The following DNAH17 variants were observed in gnomAD, a reference collection of about 807,000 sequenced individuals.
The protein encoded by DNAH17 is dynein axonemal heavy chain 17, also known as axonemal beta dynein heavy chain 17.
DNAH17 carries 376 observed loss-of-function variants against 485.6 expected under a neutral mutation model. That is an observed-to-expected ratio of 0.77 (90% CI 0.71 to 0.84). The LOEUF (loss-of-function observed/expected upper bound fraction) is 0.84. Among genes scored for constraint, DNAH17 ranks in the 40% least tolerant of loss-of-function variants. The probability of loss-of-function intolerance (pLI) is 0.00; values close to 1 mark genes in which losing one functional copy is unlikely to be tolerated. For missense variants in DNAH17, 6,370 were observed against 5,839.3 expected (o/e 1.09, Z -2.96); for synonymous variants, 3,031 against 2,405.9 (o/e 1.26, Z -7.60).
chr17:78,501,472 C>T (rs1365357018), intron 34 of DNAH17, 128 bp from the exon 35 acceptor site: 1 of 1,208,650 alleles, frequency 8.3e-7, no homozygotes, highest in Non-Finnish European at 1.1e-6. Context: ...CTCTTTCCCC[C>T]TCCAGCACCC....
intron 69 of DNAH17, among the ~76,000 whole-genome samples, chr17:78,448,202 GA>G (rs59164677): frequency 9.3e-4 from 129 of 138,794 alleles, no homozygotes; most frequent in Middle Eastern, 3.8e-3. Flanking sequence ...AACCAGAACA[GA>G]AAAAAAAAAA....
chr17:78,547,819 T>C (rs974665511), intron 16 of DNAH17, among the ~76,000 whole-genome samples: 15 of 152,152 alleles, frequency 9.9e-5, no homozygotes, highest in African/African-American at 3.6e-4. Flanking sequence ...GGTTTCGCCA[T>C]GTGGGCCAGG....
rs781563360 is a variant in DNAH17 at position 78,428,738 on chromosome 17, C to G, written c.12406-31G>C. 8.1e-6 allele frequency: 13 copies of G among 1,611,120 alleles called. 1 individual carries two copies. The African/African-American group carries it at 1.6e-4, about 20-fold the overall frequency. ...AAAGAGGGCAGTTTGTAAGCAGAGG[C>G]AAAGCTGTGCAGGCTGAAACCCATG... On this transcript the variant is annotated intron_variant, in intron 76 of 80. Transcript: ENST00000389840.
At chr17:78,525,670 G>A (rs983885435) in intron 24 of DNAH17, among the ~76,000 whole-genome samples, 20 of 152,204 alleles carry the variant, frequency 1.3e-4, no homozygotes, top group African/African-American at 2.9e-4. Context: ...GGCTCGGAGC[G>A]TGTGCACACA....
intron 34 of DNAH17, 40 bp downstream of exon 34, chr17:78,501,702 C>CT (rs1186846700): frequency 6.2e-7 from 1 of 1,603,692 alleles, no homozygotes; most frequent in African/African-American, 1.3e-5. Flanking sequence ...CCGGTGTCCC[C>CT]TTGCCCTTCC....
Position 78,512,548 on chromosome 17 carries a change from A to G in DNAH17, c.4114-2042T>C, listed in dbSNP as rs558494605. ...GAGCTGAAGGCACTTGAGAAGAAGCAGATACAAGAGAAGCTCTCTGTCCTC... is the reference window on the plus strand; with the variant it reads ...GAGCTGAAGGCACTTGAGAAGAAGCGGATACAAGAGAAGCTCTCTGTCCTC... On this transcript the variant is annotated intron_variant, in intron 26 of 80. Coordinates refer to ENST00000389840, the MANE Select transcript of DNAH17 (RefSeq NM_173628.4). Among the ~76,000 whole-genome samples the G allele has an allele frequency of 2.0e-5, 3 of 148,018 alleles. No individual in the cohort carries two copies. The Admixed American group carries it at 2.1e-4, about 10-fold the overall frequency.
At chr17:78,454,082 C>T (rs994290795) in intron 64 of DNAH17, among the ~76,000 whole-genome samples, 9 of 152,162 alleles carry the variant, frequency 5.9e-5, no homozygotes, top group African/African-American at 2.2e-4. Flanking sequence ...GATTTTCCAG[C>T]ACCGCTAGGA....
At chr17:78,555,295 T>C (rs1221487362) in intron 14 of DNAH17, among the ~76,000 whole-genome samples, 1 of 151,874 alleles carries the variant, frequency 6.6e-6, no homozygotes, top group Admixed American at 6.6e-5. Flanking sequence ...CGAGGAACCC[T>C]GCTCTGAGAC....
At position 78,566,633 on chromosome 17, in the gene DNAH17, C is replaced by T. The variant is rs1226235503; in HGVS notation, c.1550G>A (p.Cys517Tyr). 6.2e-7 allele frequency: 1 copy of T among 1,608,112 alleles called. No homozygotes were observed. Among genetic ancestry groups the T allele is most frequent in the Non-Finnish European group, 8.5e-7 (1 of 1,177,126 alleles). Residue 517 changes from cysteine (C) to tyrosine (Y), a missense_variant, in exon 11 of 81, where the codon TGT becomes TAT. Cys to Tyr is a radical substitution (Grantham distance 194). Coordinates refer to ENST00000389840, the MANE Select transcript of DNAH17 (RefSeq NM_173628.4). ...IFCQGFDDCSCIKSSAKLLYM... is the reference protein window; with the variant it reads ...IFCQGFDDCSYIKSSAKLLYM... ...GCTTACCTTTGCGGAGGACTTGATA[C>T]AGCTGCAGTCATCAAATCCTTGGCA...
chr17:78,533,055 C>A, intron 19 of DNAH17: 1 of 241,056 alleles, frequency 4.1e-6, no homozygotes, highest in Non-Finnish European at 8.1e-6. Flanking sequence ...CTGTGCCTGG[C>A]CCAAGCTCTC....
chr17:78,496,119 G>T, intron 37 of DNAH17, 87 bp from the exon 38 acceptor site: 1 of 1,443,260 alleles, frequency 6.9e-7, no homozygotes, highest in Non-Finnish European at 9.2e-7. Flanking sequence ...TAAAGCATGA[G>T]GCTGCGAATT....
At position 78,537,373 on chromosome 17, in the gene DNAH17, C is replaced by G. The variant is rs763137392; in HGVS notation, c.2785G>C (p.Glu929Gln). 4.3e-6 allele frequency: 7 copies of G among 1,611,648 alleles called. No homozygotes were observed. Among genetic ancestry groups the G allele is most frequent in the Non-Finnish European group, 5.9e-6 (7 of 1,179,142 alleles). ...TTGTAGATGTCGTTGACCAGGCCCT[C>G]GATCAGTGCCAGGAAGCCGCGATCT... ...GSDRGFLALI[E>Q]GLVNDIYNVA... The change falls in exon 19 of 81, where the codon GAG becomes CAG. Residue 929 changes from glutamate (E) to glutamine (Q), a missense_variant. Transcript: ENST00000389840.
At chr17:78,551,242 G>C (rs1367548712) in intron 16 of DNAH17, among the ~76,000 whole-genome samples, 1 of 152,182 alleles carries the variant, frequency 6.6e-6, no homozygotes, top group Non-Finnish European at 1.5e-5. Flanking sequence ...TTCCCAGTGG[G>C]GGTGAGTCTT....
intron 48 of DNAH17, among the ~76,000 whole-genome samples, chr17:78,481,269 A>C (rs1441523155): frequency 6.7e-6 from 1 of 149,206 alleles, no homozygotes; most frequent in South Asian, 2.1e-4. Context: ...TGCCTGGCTA[A>C]TTTTTTTGTA....
chr17:78,501,077 C>G, intron 35 of DNAH17, 107 bp downstream of exon 35: 3 of 1,327,542 alleles, frequency 2.3e-6, no homozygotes, highest in Non-Finnish European at 3.0e-6. Flanking sequence ...ACGCAAATGC[C>G]CAGTCCTTCC....
intron 56 of DNAH17, among the ~76,000 whole-genome samples, chr17:78,465,732 G>A (rs1293134221): frequency 9.4e-5 from 14 of 149,590 alleles, no homozygotes; most frequent in East Asian, 1.9e-4. Flanking sequence ...CTCTCCGCCC[G>A]GCAGCCACCC....
At chr17:78,478,997 G>T (rs747782833) in intron 51 of DNAH17, 28 bp downstream of exon 51, 3 of 1,599,344 alleles carry the variant, frequency 1.9e-6, no homozygotes, top group Middle Eastern at 1.7e-4. Flanking sequence ...CGTAAGGCAG[G>T]CATGACATAA....
rs749614253 is a variant in DNAH17, at chr17:78,494,811, C to A, written c.6052G>T (p.Asp2018Tyr). ...KELLSKQDHYDWGLRAIKSVL... is the reference protein window; with the variant it reads ...KELLSKQDHYYWGLRAIKSVL... The stretch of plus-strand genomic sequence containing the variant: ...GACTTGATGGCTCTCAGGCCCCAGT[C>A]GTAATGATCCTGCGGGCAGTGGGCA... Residue 2018 changes from aspartate (D) to tyrosine (Y), a missense_variant, in exon 40 of 81, where the codon GAC (aspartate) becomes TAC (tyrosine). Coordinates refer to ENST00000389840, the MANE Select transcript of DNAH17 (RefSeq NM_173628.4). The A allele has an allele frequency of 6.2e-7, 1 of 1,605,258 alleles. No homozygotes were observed. Among genetic ancestry groups the A allele is most frequent in the South Asian group, 1.1e-5 (1 of 90,282 alleles).
At chr17:78,546,240 C>T (rs1480409299) in intron 16 of DNAH17, among the ~76,000 whole-genome samples, 2 of 152,176 alleles carry the variant, frequency 1.3e-5, no homozygotes, top group Non-Finnish European at 2.9e-5. Flanking sequence ...GAACTGCCAT[C>T]TTTTAAAGGT....
Sources: allele counts gnomAD v4.1 joint callset (sites outside exome capture counted in the v4.1 genomes callset), GRCh38; gene constraint gnomAD v4.1.1; transcripts MANE v1.5; gene names NCBI Gene and HGNC (gene_info 2026-07-23, HGNC 2026-07-21).